The following POU6F2 variants were observed in gnomAD, a reference collection of about 807,000 sequenced individuals.
POU6F2 encodes POU class 6 homeobox 2.
In POU6F2, 31 loss-of-function variants were observed where a neutral mutation model predicts 71.3. The ratio of observed to expected loss-of-function variants is 0.43; its 90% CI spans 0.33 to 0.59. POU6F2 has a LOEUF of 0.59. Ranked by LOEUF, POU6F2 falls within the 20% of genes least tolerant of loss-of-function variation. The pLI, the probability that POU6F2 is intolerant of heterozygous loss-of-function variation, is 0.04. For synonymous variants in POU6F2, 347 were observed against 355.7 expected, an observed-to-expected ratio of 0.98 and a Z score of 0.27; for missense variants, 783 against 856.8, an observed-to-expected ratio of 0.91 and a Z score of 1.07.
intron 2 of POU6F2, among the ~76,000 whole-genome samples, chr7:39,190,054 T>C (rs774872008): frequency 4.6e-5 from 7 of 151,978 alleles, no homozygotes; most frequent in Non-Finnish European, 8.8e-5. Context: ...CCACCATGCC[T>C]GACTAATTTT....
chr7:39,047,379 C>T (rs1342795880), intron 1 of POU6F2, among the ~76,000 whole-genome samples: 1 of 151,798 alleles, frequency 6.6e-6, no homozygotes, highest in Non-Finnish European at 1.5e-5. Flanking sequence ...CTTTACCTCC[C>T]TTTATTTCTT....
intron 1 of POU6F2, among the ~76,000 whole-genome samples, chr7:38,979,218 A>G (rs535249693): frequency 2.6e-5 from 4 of 151,162 alleles, no homozygotes; most frequent in Non-Finnish European, 5.9e-5. Flanking sequence ...TTTTTTTTGT[A>G]CACTTTCCAA....
intron 4 of POU6F2, among the ~76,000 whole-genome samples, chr7:39,269,356 T>C (rs973099508): frequency 3.9e-5 from 6 of 152,108 alleles, no homozygotes; most frequent in African/African-American, 9.7e-5. Flanking sequence ...CCTGGACAGT[T>C]CCTCCTAGTA....
At chr7:39,388,896 A>T (rs1340825893) in intron 5 of POU6F2, among the ~76,000 whole-genome samples, 3 of 152,228 alleles carry the variant, frequency 2.0e-5, no homozygotes, top group Non-Finnish European at 4.4e-5. Context: ...AGAAAGAAAC[A>T]CATTAAAAAT....
At chr7:39,145,004 T>A (rs2128732670) in intron 2 of POU6F2, among the ~76,000 whole-genome samples, 1 of 152,344 alleles carries the variant, frequency 6.6e-6, no homozygotes, top group South Asian at 2.1e-4. Flanking sequence ...CAATGAACGC[T>A]TTCATTCCTT....
chr7:39,451,443 G>C (rs1335870470), intron 7 of POU6F2, 90 bp from the exon 8 acceptor site: 2 of 1,285,796 alleles, frequency 1.6e-6, no homozygotes, highest in Admixed American at 4.7e-5. Flanking sequence ...GAAATAAAAT[G>C]ATTCACTCCC....
intron 4 of POU6F2, among the ~76,000 whole-genome samples, chr7:39,248,087 G>C (rs904689055): frequency 1.2e-4 from 18 of 151,612 alleles, no homozygotes; most frequent in African/African-American, 4.4e-4. Flanking sequence ...CCCAGTAACT[G>C]TTCTCTTTTC....
intron 4 of POU6F2, among the ~76,000 whole-genome samples, chr7:39,286,939 CTTTTTT>C (rs57938154): frequency 6.8e-6 from 1 of 146,568 alleles, no homozygotes; most frequent in Admixed American, 6.7e-5. Flanking sequence ...TTTGAGGTAT[CTTTTTT>C]TTTTTTTTTC....
rs371554715 is a variant in POU6F2, at chr7:39,247,874, C to T, written c.598+40254C>T. 7.0e-4 allele frequency among the ~76,000 whole-genome samples: 106 copies of T among 152,284 alleles called. 4 individuals carry two copies. The South Asian group carries it at 0.019, about 28-fold the overall frequency. On this transcript the variant is annotated intron_variant, in intron 4 of 9. Transcript: ENST00000518318. ...ACCCCTGTCAGAGCCTGGAAGTTTC[C>T]GCGGTTTTCTTAGCATCTCTACAAT...
At position 39,297,236 on chromosome 7, in the gene POU6F2, C is replaced by CACAT. The variant is rs1259708524; in HGVS notation, c.599-42405_599-42404insCATA. ...ACACACACACACACACACACACACA[C>CACAT]ATGAATTCACATATACGTGCACATT... On this transcript the variant is annotated intron_variant, in intron 4 of 9. Transcript: ENST00000518318. Among the ~76,000 whole-genome samples, 352 of 149,084 alleles carry CACAT rather than the reference C, an allele frequency of 2.4e-3. No homozygotes were observed. The South Asian group carries it at 0.025, about 11-fold the overall frequency.
intron 1 of POU6F2, among the ~76,000 whole-genome samples, chr7:38,988,378 T>C (rs138672138): frequency 1.8e-4 from 28 of 152,156 alleles, no homozygotes; most frequent in African/African-American, 6.3e-4. Context: ...GTGCACTCTA[T>C]ACCCCTATGA....
At chr7:39,269,116 A>G (rs1287723798) in intron 4 of POU6F2, among the ~76,000 whole-genome samples, 1 of 152,096 alleles carries the variant, frequency 6.6e-6, no homozygotes, top group Non-Finnish European at 1.5e-5. Flanking sequence ...TTTTTTAGAA[A>G]GTCTGTGTGT....
At chr7:39,009,293 T>C (rs931863516) in intron 1 of POU6F2, among the ~76,000 whole-genome samples, 1 of 151,692 alleles carries the variant, frequency 6.6e-6, no homozygotes, top group Admixed American at 6.6e-5. Context: ...CAATTGTGAA[T>C]GGGAATTCAC....
intron 1 of POU6F2, among the ~76,000 whole-genome samples, chr7:39,019,649 CTTTTT>C (rs70977448): frequency 2.2e-5 from 3 of 137,810 alleles, no homozygotes; most frequent in Admixed American, 2.2e-4. Flanking sequence ...TTTCTTTTTT[CTTTTT>C]TTTTTTTTTT....
At position 39,339,900 on chromosome 7, in the gene POU6F2, C is replaced by CCCAGAA; in HGVS notation, c.867_872dup (p.Asn290_Gln291dup). The stretch of plus-strand genomic sequence containing the variant: ...CAGCAGCACCAACCCCACTCCCACT[C>CCCAGAA]CCAGAACCAGAACCAACCATCTCCA... On this transcript the variant is annotated inframe_insertion, in exon 5 of 10. Transcript: ENST00000518318. 6.2e-7 allele frequency: 1 copy of CCCAGAA among 1,613,934 alleles called. No homozygotes were observed. Among genetic ancestry groups the CCCAGAA allele is most frequent in the South Asian group, 1.1e-5 (1 of 91,076 alleles).
At chr7:39,317,322 C>G (rs1460260770) in intron 4 of POU6F2, among the ~76,000 whole-genome samples, 1 of 152,188 alleles carries the variant, frequency 6.6e-6, no homozygotes, top group African/African-American at 2.4e-5. Flanking sequence ...AAAAAGCCAG[C>G]ACACACCCAG....
At chr7:39,238,507 A>G (rs1252101177) in intron 4 of POU6F2, among the ~76,000 whole-genome samples, 2 of 152,188 alleles carry the variant, frequency 1.3e-5, no homozygotes, top group Non-Finnish European at 2.9e-5. Context: ...TTGTGCTACA[A>G]TGGCAGAGTT....
intron 2 of POU6F2, among the ~76,000 whole-genome samples, chr7:39,106,357 A>C (rs1442037415): frequency 1.3e-5 from 2 of 151,824 alleles, no homozygotes; most frequent in Non-Finnish European, 2.9e-5. Context: ...AACACCCACA[A>C]CATCCCCTCC....
intron 2 of POU6F2, among the ~76,000 whole-genome samples, chr7:39,162,921 G>T (rs926580848): frequency 1.3e-5 from 2 of 152,140 alleles, no homozygotes. Context: ...TATCATTCTA[G>T]GGACGACTGG....
Sources: allele counts gnomAD v4.1 joint callset (sites outside exome capture counted in the v4.1 genomes callset), GRCh38; gene constraint gnomAD v4.1.1; transcripts MANE v1.5; gene names NCBI Gene and HGNC (gene_info 2026-07-23, HGNC 2026-07-21).